Variants in DAB1 observed in about 807,000 individuals in gnomAD.
DAB1 encodes DAB adaptor protein 1, also known as disabled homolog 1.
Under a neutral mutation model 64.6 loss-of-function variants are expected in DAB1, and 15 were observed. The ratio of observed to expected loss-of-function variants is 0.23; its 90% CI spans 0.16 to 0.36. The LOEUF (loss-of-function observed/expected upper bound fraction) is 0.36, where lower values mean the gene tolerates loss of function less well. Ranked by LOEUF, DAB1 falls within the 10% of genes least tolerant of loss-of-function variation. The probability of loss-of-function intolerance (pLI) is 1.00; values close to 1 mark genes in which losing one functional copy is unlikely to be tolerated. For synonymous variants in DAB1, 235 were observed against 251.9 expected (o/e 0.93, Z 0.64); for missense variants, 596 against 706.7 (o/e 0.84, Z 1.78).
chr1:57,786,233 G>A (rs751718224), intron 6 of DAB1, among the ~76,000 whole-genome samples: 2 of 152,080 alleles, frequency 1.3e-5, no homozygotes, highest in Non-Finnish European at 2.9e-5. Flanking sequence ...CATGCACTGG[G>A]AGCCAAAAAA....
chr1:57,422,049 G>A (rs765606847), intron 1 of DAB1, among the ~76,000 whole-genome samples: 1 of 152,062 alleles, frequency 6.6e-6, no homozygotes, highest in East Asian at 1.9e-4. Flanking sequence ...AAGGGGTGGG[G>A]ATGGTTTGTA....
At chr1:57,789,531 C>A (rs1229514387) in intron 6 of DAB1, among the ~76,000 whole-genome samples, 2 of 152,136 alleles carry the variant, frequency 1.3e-5, no homozygotes, top group East Asian at 3.9e-4. Context: ...TTGTAGTTGG[C>A]TGTCTTCCTC....
intron 6 of DAB1, among the ~76,000 whole-genome samples, chr1:57,692,078 C>G (rs1646771157): frequency 6.6e-6 from 1 of 151,862 alleles, no homozygotes; most frequent in African/African-American, 2.4e-5. Flanking sequence ...CCATTCTGCT[C>G]CAGGGTCCTG....
At chr1:58,526,693 C>G (rs1445950526) in intron 2 of DAB1, among the ~76,000 whole-genome samples, 1 of 151,166 alleles carries the variant, frequency 6.6e-6, no homozygotes, top group Non-Finnish European at 1.5e-5. Context: ...AATCAGTTTG[C>G]TTAGCCAAGA....
intron 4 of DAB1, among the ~76,000 whole-genome samples, chr1:57,129,040 G>A (rs1011243043): frequency 4.6e-5 from 7 of 152,118 alleles, no homozygotes; most frequent in Admixed American, 1.3e-4. Context: ...TTAGTTGAGC[G>A]CTTAGAGGAT....
chr1:58,022,398 C>T (rs914481937), intron 5 of DAB1, among the ~76,000 whole-genome samples: 3 of 152,150 alleles, frequency 2.0e-5, no homozygotes, highest in African/African-American at 7.2e-5. Context: ...TCATTGGTCC[C>T]TATGGAAATT....
intron 6 of DAB1, among the ~76,000 whole-genome samples, chr1:57,659,739 G>C (rs1286322785): frequency 1.3e-5 from 2 of 152,166 alleles, no homozygotes; most frequent in African/African-American, 4.8e-5. Context: ...CACTTTGGGA[G>C]GCTGAGGTGG....
chr1:57,532,678 A>T (rs1644679724), intron 7 of DAB1, among the ~76,000 whole-genome samples: 1 of 152,172 alleles, frequency 6.6e-6, no homozygotes, highest in South Asian at 2.1e-4. Flanking sequence ...TGAGAGCACA[A>T]TGGGCTTTGG....
intron 2 of DAB1, among the ~76,000 whole-genome samples, chr1:58,526,744 A>G (rs990848816): frequency 6.6e-6 from 1 of 152,144 alleles, no homozygotes; most frequent in Non-Finnish European, 1.5e-5. Flanking sequence ...AAGTGGGGGA[A>G]AACAACTACC....
At chr1:57,397,101 G>A in intron 1 of DAB1, among the ~76,000 whole-genome samples, 1 of 152,280 alleles carries the variant, frequency 6.6e-6, no homozygotes, top group East Asian at 1.9e-4. Context: ...CCATTCCAAT[G>A]TAAGGATCCT....
chr1:57,123,992 T>A (rs561258), intron 4 of DAB1, among the ~76,000 whole-genome samples: 38,894 of 151,972 alleles, frequency 0.26, 7,008 homozygotes, highest in African/African-American at 0.51. Context: ...TTTTATAAAC[T>A]GAAAAAAGCA....
chr1:57,656,352 T>TTTTG (rs1553205120), intron 6 of DAB1, among the ~76,000 whole-genome samples: 2 of 151,644 alleles, frequency 1.3e-5, no homozygotes, highest in Admixed American at 1.3e-4. Flanking sequence ...GCAAAAGTAA[T>TTTTG]TGTGTGTGTG....
At chr1:57,338,240 C>A (rs942295995) in intron 1 of DAB1, among the ~76,000 whole-genome samples, 3 of 152,112 alleles carry the variant, frequency 2.0e-5, no homozygotes, top group Non-Finnish European at 2.9e-5. Flanking sequence ...CCACCTCACC[C>A]ACCCAAAGTG....
chr1:58,017,054 G>A (rs1015458004), intron 5 of DAB1, among the ~76,000 whole-genome samples: 1 of 152,064 alleles, frequency 6.6e-6, no homozygotes. Flanking sequence ...GTGGCACAGT[G>A]GGGGCAGCAC....
chr1:57,702,329 C>G (rs552488687), intron 6 of DAB1, among the ~76,000 whole-genome samples: 2 of 152,228 alleles, frequency 1.3e-5, no homozygotes, highest in East Asian at 3.9e-4. Context: ...CAGATTGTTT[C>G]TACACCACCC....
At chr1:57,891,849 G>A (rs1315278048) in intron 5 of DAB1, among the ~76,000 whole-genome samples, 1 of 152,048 alleles carries the variant, frequency 6.6e-6, no homozygotes, top group Non-Finnish European at 1.5e-5. Context: ...CTGTCAGGGG[G>A]TGGGGTCTAG....
intron 5 of DAB1, among the ~76,000 whole-genome samples, chr1:57,953,361 T>G (rs1304567241): frequency 2.0e-5 from 3 of 152,206 alleles, no homozygotes; most frequent in African/African-American, 4.8e-5. Flanking sequence ...ATTTTGAGTT[T>G]TGTTTATTGC....
intron 8 of DAB1, among the ~76,000 whole-genome samples, chr1:57,066,961 C>T (rs1650969978): frequency 6.6e-6 from 1 of 151,990 alleles, no homozygotes; most frequent in African/African-American, 2.4e-5. Flanking sequence ...AGCTGAAGTA[C>T]TAACAAACAC....
intron 3 of DAB1, among the ~76,000 whole-genome samples, chr1:58,498,361 A>C (rs1645840828): frequency 6.6e-6 from 1 of 152,104 alleles, no homozygotes; most frequent in African/African-American, 2.4e-5. Flanking sequence ...GAGAGGTTTA[A>C]ATTTTAAATA....
Sources: allele counts gnomAD v4.1 joint callset (sites outside exome capture counted in the v4.1 genomes callset), GRCh38; gene constraint gnomAD v4.1.1; transcripts MANE v1.5; gene names NCBI Gene and HGNC (gene_info 2026-07-23, HGNC 2026-07-21).